PLEKHA7: variants seen among roughly 807,000 people sequenced by gnomAD.
PLEKHA7 encodes the protein pleckstrin homology domain-containing family A member 7.
A neutral mutation model predicts 170.0 loss-of-function variants in PLEKHA7; 104 were observed. The ratio of observed to expected loss-of-function variants is 0.61; its 90% CI spans 0.52 to 0.72. The LOEUF (loss-of-function observed/expected upper bound fraction) is 0.72. PLEKHA7 is among the 30% of genes least tolerant of loss of function. PLEKHA7 has a pLI of 0.00. For missense variants in PLEKHA7, 1,615 were observed against 1,671.7 expected (o/e 0.97, Z 0.59); for synonymous variants, 648 against 660.8 (o/e 0.98, Z 0.30).
In PLEKHA7 at chr11:17,014,121, C is replaced by T. The variant is rs753406404; in HGVS notation, c.163+4G>A. ...CGCCCCCCACCCGCCGGCCCGGCGCCCACCTGAGCGGATCATGTGGCCCGA... is the reference window on the plus strand; with the variant it reads ...CGCCCCCCACCCGCCGGCCCGGCGCTCACCTGAGCGGATCATGTGGCCCGA... On this transcript the variant is annotated splice_donor_region_variant and intron_variant, in intron 2 of 26. Transcript: ENST00000531066. 2.5e-6 allele frequency: 4 copies of T among 1,600,866 alleles called. No homozygotes were observed. In the South Asian group the frequency reaches 4.5e-5, roughly 18 times the overall value.
At chr11:16,857,904 A>G (rs182629749) in intron 4 of PLEKHA7, among the ~76,000 whole-genome samples, 1 of 152,318 alleles carries the variant, frequency 6.6e-6, no homozygotes, top group East Asian at 1.9e-4. Flanking sequence ...TTTTTAGCAG[A>G]GACAGGGTTT....
In PLEKHA7 at chr11:16,777,921, G is replaced by C. The variant is rs775862680; in HGVS notation, c.*1077C>G. ...CACCCAGTGTGGAGTTTATTGCTAC[G>C]ATACAATGAAAGTTGCTTCCTCTCA... On this transcript the variant is annotated 3_prime_UTR_variant, in exon 27 of 27. Coordinates refer to ENST00000531066, the MANE Select transcript of PLEKHA7 (RefSeq NM_001329630.2). The C allele has an allele frequency of 1.3e-5, 2 of 152,230 alleles. No individual in the cohort carries two copies. Among genetic ancestry groups the C allele is most frequent in the South Asian group, 2.1e-4 (1 of 4,832 alleles). 9.4% of individuals were successfully genotyped at this position (152,230 alleles called of 1,614,324 possible).
In PLEKHA7 at chr11:16,791,227, G is replaced by A; in HGVS notation, c.2746-28C>T. On this transcript the variant is annotated intron_variant, in intron 19 of 26. Transcript: ENST00000531066. The surrounding 1 kb of genome is among the most constrained non-coding windows in gnomAD (Gnocchi z 4.5). ...GCTGAGAAAGAGAACCAGACCAGTG[G>A]TCAGCGAGACGGAGCTGGAGGGAGG... 6.4e-7 allele frequency: 1 copy of A among 1,555,608 alleles called. No individual in the cohort carries two copies. Among genetic ancestry groups the A allele is most frequent in the Non-Finnish European group, 8.7e-7 (1 of 1,149,882 alleles).
chr11:16,808,957 TTC>T (rs1849173493), intron 13 of PLEKHA7, among the ~76,000 whole-genome samples: 2 of 152,194 alleles, frequency 1.3e-5, no homozygotes, highest in South Asian at 2.1e-4. Context: ...GTTACTTTAT[TTC>T]TCTGACACCT....
intron 3 of PLEKHA7, among the ~76,000 whole-genome samples, chr11:16,887,711 G>A (rs1224328468): frequency 6.6e-6 from 1 of 152,208 alleles, no homozygotes; most frequent in Non-Finnish European, 1.5e-5. Context: ...TGTTGCCCAG[G>A]CTGGAGTGCA....
chr11:16,972,188 T>C (rs1002631083), intron 3 of PLEKHA7, among the ~76,000 whole-genome samples: 1 of 152,086 alleles, frequency 6.6e-6, no homozygotes, highest in Non-Finnish European at 1.5e-5. Flanking sequence ...AGTGGCATGA[T>C]CCTAACTCAC....
At chr11:16,794,292 G>A (rs1424561193) in intron 19 of PLEKHA7, among the ~76,000 whole-genome samples, 196 bp downstream of exon 19, 2 of 151,816 alleles carry the variant, frequency 1.3e-5, no homozygotes, top group African/African-American at 4.8e-5. Flanking sequence ...CATCTTCCAG[G>A]GCTCTTCCAG....
At chr11:16,828,479 C>T (rs541569517) in intron 9 of PLEKHA7, among the ~76,000 whole-genome samples, 1 of 152,110 alleles carries the variant, frequency 6.6e-6, no homozygotes, top group Non-Finnish European at 1.5e-5. Context: ...TCAGGCAGTT[C>T]TTTATAGCAG....
intron 13 of PLEKHA7, among the ~76,000 whole-genome samples, chr11:16,810,581 G>A (rs1414090547): frequency 6.6e-6 from 1 of 152,160 alleles, no homozygotes; most frequent in Non-Finnish European, 1.5e-5. Context: ...GGGGAATACT[G>A]GTATCAACAC....
At chr11:16,986,551 A>T (rs1863737265) in intron 3 of PLEKHA7, among the ~76,000 whole-genome samples, 1 of 152,204 alleles carries the variant, frequency 6.6e-6, no homozygotes, top group Non-Finnish European at 1.5e-5. Flanking sequence ...GGCTGGAGGC[A>T]AGGAGGAAGT....
chr11:17,003,647 G>C (rs1366728095), intron 3 of PLEKHA7, among the ~76,000 whole-genome samples: 1 of 152,212 alleles, frequency 6.6e-6, no homozygotes, highest in African/African-American at 2.4e-5. Flanking sequence ...GCTGTATGTG[G>C]TGGAGGTGAA....
rs1244364523 is a variant in PLEKHA7, at chr11:16,786,131, C to A, written c.3516+98G>T. ...AGGCCACACTGAAGCTGAGCCATGT[C>A]CCTGTTCAGGATGATACCCCACAGT... On this transcript the variant is annotated intron_variant, in intron 24 of 26. Transcript: ENST00000531066. 1.7e-5 allele frequency: 24 copies of A among 1,394,658 alleles called. No individual in the cohort carries two copies. In the East Asian group the frequency reaches 5.0e-4, roughly 29 times the overall value. 86.4% of individuals were successfully genotyped at this position (1,394,658 alleles called of 1,614,324 possible). A position where few individuals can be genotyped will look rare whatever the true frequency, so the allele number is the denominator to read the frequency against.
At chr11:16,846,451 TCTTGCCCA>T in intron 8 of PLEKHA7, among the ~76,000 whole-genome samples, 1 of 152,202 alleles carries the variant, frequency 6.6e-6, no homozygotes, top group East Asian at 1.9e-4. Flanking sequence ...GGACTCTGCC[TCTTGCCCA>T]CTGGGTAACC....
chr11:16,949,326 T>C (rs1479314178), intron 3 of PLEKHA7, among the ~76,000 whole-genome samples: 1 of 152,200 alleles, frequency 6.6e-6, no homozygotes, highest in Non-Finnish European at 1.5e-5. Context: ...TAGAAGACTC[T>C]AGATGCTCAG....
rs747545274 is a variant in PLEKHA7, at chr11:16,791,205, G to A, written c.2746-6C>T. 2 of 1,582,356 alleles carry A rather than the reference G, an allele frequency of 1.3e-6. No individual in the cohort carries two copies. Among genetic ancestry groups the A allele is most frequent in the Admixed American group, 1.8e-5 (1 of 56,186 alleles). On this transcript the variant is annotated splice_region_variant and splice_polypyrimidine_tract_variant and intron_variant, in intron 19 of 26. Coordinates refer to ENST00000531066, the MANE Select transcript of PLEKHA7 (RefSeq NM_001329630.2). This position sits in a 1 kb window ranked among gnomAD's most constrained non-coding sequence, Gnocchi z 4.5. ...CTGGGAGGTGCTTCATCTTCCTGCT[G>A]AGAAAGAGAACCAGACCAGTGGTCA...
intron 10 of PLEKHA7, among the ~76,000 whole-genome samples, chr11:16,818,416 C>A (rs1358280876): frequency 6.6e-6 from 1 of 152,244 alleles, no homozygotes; most frequent in African/African-American, 2.4e-5. Context: ...CTTCCCTCCC[C>A]CTGCCTGGAT....
At chr11:16,822,739 C>T (rs1443709680) in intron 10 of PLEKHA7, among the ~76,000 whole-genome samples, 1 of 152,132 alleles carries the variant, frequency 6.6e-6, no homozygotes, top group Non-Finnish European at 1.5e-5. Context: ...TGTGCTCTCT[C>T]AGTTGAGGAT....
chr11:16,958,529 T>G (rs1229156858), intron 3 of PLEKHA7, among the ~76,000 whole-genome samples: 2 of 152,182 alleles, frequency 1.3e-5, no homozygotes, highest in Non-Finnish European at 2.9e-5. Context: ...AGTGATTAAC[T>G]CTGGATGGAG....
At position 16,816,246 on chromosome 11, in the gene PLEKHA7, G is replaced by A. The variant is rs370488159; in HGVS notation, c.1885C>T (p.Arg629Ter). 3.1e-6 allele frequency: 5 copies of A among 1,613,308 alleles called. No homozygotes were observed. The highest frequency in any genetic ancestry group is 4.2e-6 in the Non-Finnish European group (5 of 1,179,478). The change falls in exon 12 of 27, where the codon CGA becomes TGA. Residue 629 changes from arginine (R) to a stop codon, truncating the protein, a stop_gained. Coordinates refer to ENST00000531066, the MANE Select transcript of PLEKHA7 (RefSeq NM_001329630.2). LOFTEE classifies it high-confidence loss of function. ...TAACCCATGGAGGGCATGGAGCGTC[G>A]GTCCACATGAGATGAGTTCTGCAAG... ...HAVKNSSHVD[R>*]RSMPSMGYMT...
Sources: allele counts gnomAD v4.1 joint callset (sites outside exome capture counted in the v4.1 genomes callset), GRCh38; gene constraint gnomAD v4.1.1; non-coding constraint Gnocchi (gnomAD v3.1); transcripts MANE v1.5; gene names NCBI Gene and HGNC (gene_info 2026-07-23, HGNC 2026-07-21).